RABEPK: variants seen among roughly 807,000 people sequenced by gnomAD.
RABEPK encodes 40 kDa Rab9 effector protein.
A neutral mutation model predicts 34.1 loss-of-function variants in RABEPK; 27 were observed. That is an observed-to-expected ratio of 0.79 (90% confidence interval 0.58 to 1.09). The LOEUF is 1.09. Ranked by LOEUF, RABEPK falls within the 50% of genes least tolerant of loss-of-function variation. The pLI, the probability that RABEPK is intolerant of heterozygous loss-of-function variation, is 0.00. For synonymous variants in RABEPK, 172 were observed against 169.2 expected (o/e 1.02, Z -0.13); for missense variants, 449 against 462.6 (o/e 0.97, Z 0.27).
Position 125,230,157 on chromosome 9 carries a change from T to A in RABEPK, c.676+2098T>A, listed in dbSNP as rs979575610. Among the ~76,000 whole-genome samples the A allele has an allele frequency of 2.0e-5, 3 of 152,122 alleles. No individual in the cohort carries two copies. The South Asian group carries it at 6.2e-4, about 32-fold the overall frequency. ...TTTTTTATTTTCTGTAGAGATGAGGTTTCACCATGTTGCCCAGGCTGGTCT... is the reference window on the plus strand; with the variant it reads ...TTTTTTATTTTCTGTAGAGATGAGGATTCACCATGTTGCCCAGGCTGGTCT... On this transcript the variant is annotated intron_variant, in intron 6 of 7. Coordinates refer to ENST00000373538, the MANE Select transcript of RABEPK (RefSeq NM_005833.4).
intron 1 of RABEPK, among the ~76,000 whole-genome samples, chr9:125,201,997 C>T (rs367783938): frequency 6.6e-6 from 1 of 151,160 alleles, no homozygotes; most frequent in Non-Finnish European, 1.5e-5. Flanking sequence ...GAGGCCGAGG[C>T]GAGCCAAGTT....
intron 5 of RABEPK, chr9:125,222,015 T>G (rs1588386722): frequency 6.6e-6 from 1 of 152,042 alleles, no homozygotes; most frequent in South Asian, 2.1e-4. Context: ...AGTTTTGCCA[T>G]GTTGCCCAGG....
chr9:125,233,619 G>C (rs1176150165), intron 7 of RABEPK, 69 bp from the exon 8 acceptor site: 1 of 1,513,956 alleles, frequency 6.6e-7, no homozygotes, highest in Non-Finnish European at 9.0e-7. Context: ...TGGGATTACA[G>C]GCGTGAGCCA....
In RABEPK at chr9:125,233,673, C is replaced by T. The variant is rs1832381640; in HGVS notation, c.827-15C>T. The T allele has an allele frequency of 6.2e-7, 1 of 1,603,858 alleles. No individual in the cohort carries two copies. Among genetic ancestry groups the T allele is most frequent in the East Asian group, 2.2e-5 (1 of 44,718 alleles). On this transcript the variant is annotated splice_polypyrimidine_tract_variant and intron_variant, in intron 7 of 7. Coordinates refer to ENST00000373538, the MANE Select transcript of RABEPK (RefSeq NM_005833.4). Reference sequence around the variant, plus strand: ...GAAATTTCTTAACATGAAGCCTTTTCCCTCCCCAACATAGAAGAGCAGCAT... The same window carrying T: ...GAAATTTCTTAACATGAAGCCTTTTTCCTCCCCAACATAGAAGAGCAGCAT...
rs533212047 is a variant in RABEPK at position 125,230,600 on chromosome 9, A to G, written c.677-1996A>G. ...GCCCAGGCTGGAGTGCAGTGGTGCA[A>G]TCTTGGCTCACTGCAAGCTCTGCCT... On this transcript the variant is annotated intron_variant, in intron 6 of 7. Transcript: ENST00000373538. Among the ~76,000 whole-genome samples the G allele has an allele frequency of 1.2e-3, 178 of 150,330 alleles. 1 individual carries two copies. Among genetic ancestry groups the G allele is most frequent in the African/African-American group, 4.2e-3 (171 of 40,898 alleles).
At chr9:125,212,878 C>T (rs1228895053) in intron 3 of RABEPK, among the ~76,000 whole-genome samples, 1 of 151,930 alleles carries the variant, frequency 6.6e-6, no homozygotes. Context: ...CCATGTTGGC[C>T]AGGATGGATT....
intron 4 of RABEPK, among the ~76,000 whole-genome samples, chr9:125,216,090 C>G (rs1158901476): frequency 6.6e-6 from 1 of 152,042 alleles, no homozygotes; most frequent in African/African-American, 2.4e-5. Context: ...GTCAGGAGTT[C>G]CAGAGCAGCC....
At chr9:125,220,371 T>G (rs1831237569) in intron 4 of RABEPK, 168 bp from the exon 5 acceptor site, 8 of 1,464,474 alleles carry the variant, frequency 5.5e-6, no homozygotes, top group Non-Finnish European at 7.2e-6. Context: ...AAATCCTAAG[T>G]ATCATCTTCA....
rs1379503488 is a variant in RABEPK, at chr9:125,200,827, T to G, written c.-86T>G. 1 of 471,250 alleles carries G rather than the reference T, an allele frequency of 2.1e-6. No homozygotes were observed. The allele number at this position is 471,250 out of a possible 1,614,324, so 29.2% of individuals were successfully genotyped here. ...TTGCTGGGCTGGTAGCGGCGGCTGC[T>G]GCGGGAGGTCCCGCCCACGTGAAGC... On this transcript the variant is annotated 5_prime_UTR_variant, in exon 1 of 8. Transcript: ENST00000373538.
intron 6 of RABEPK, among the ~76,000 whole-genome samples, chr9:125,229,222 T>C (rs1164540980): frequency 6.6e-6 from 1 of 150,568 alleles, no homozygotes. Context: ...CCACTGCACT[T>C]CATCCTGGGC....
chr9:125,203,705 C>A (rs1232001789), intron 2 of RABEPK, among the ~76,000 whole-genome samples: 2 of 152,108 alleles, frequency 1.3e-5, no homozygotes, highest in African/African-American at 4.8e-5. Flanking sequence ...AGTTTAAAAC[C>A]CTTTTGTGCC....
chr9:125,219,501 C>G (rs1219272791), intron 4 of RABEPK, among the ~76,000 whole-genome samples: 1 of 152,070 alleles, frequency 6.6e-6, no homozygotes, highest in African/African-American at 2.4e-5. Flanking sequence ...TCAAGTGATT[C>G]TCCTGTCTCA....
intron 6 of RABEPK, among the ~76,000 whole-genome samples, 162 bp from the exon 7 acceptor site, chr9:125,232,434 T>G (rs530353287): frequency 6.6e-6 from 1 of 152,316 alleles, no homozygotes; most frequent in South Asian, 2.1e-4. Context: ...GACTACCCAA[T>G]CATAATGTCA....
Position 125,218,016 on chromosome 9 carries a change from T to C in RABEPK, c.365-2523T>C, listed in dbSNP as rs557287266. On this transcript the variant is annotated intron_variant, in intron 4 of 7. Transcript: ENST00000373538. Reference sequence around the variant, plus strand: ...TGGTAGAGCAAGTGTGGGACTCTGATAGAACTGAGTTCAGGCCCGGCGCGG... The same window carrying C: ...TGGTAGAGCAAGTGTGGGACTCTGACAGAACTGAGTTCAGGCCCGGCGCGG... Among the ~76,000 whole-genome samples, 8 of 152,048 alleles carry C rather than the reference T, an allele frequency of 5.3e-5. No homozygotes were observed. The East Asian group carries it at 1.5e-3, about 29-fold the overall frequency.
intron 3 of RABEPK, among the ~76,000 whole-genome samples, chr9:125,207,982 C>T (rs1830342052): frequency 6.6e-6 from 1 of 152,042 alleles, no homozygotes; most frequent in African/African-American, 2.4e-5. Flanking sequence ...AAAAAATTAG[C>T]CGGGTGTGGT....
At chr9:125,223,067 G>T (rs1831466051) in intron 5 of RABEPK, among the ~76,000 whole-genome samples, 1 of 152,134 alleles carries the variant, frequency 6.6e-6, no homozygotes, top group South Asian at 2.1e-4. Flanking sequence ...GGATCATGAG[G>T]TCAGGAGTTC....
chr9:125,223,947 A>G (rs541941610), intron 5 of RABEPK, among the ~76,000 whole-genome samples: 84 of 152,178 alleles, frequency 5.5e-4, no homozygotes, highest in African/African-American at 1.8e-3. Flanking sequence ...TTGGGAGGCC[A>G]CTTTGGGACA....
At chr9:125,202,557 C>T (rs1004438604) in intron 1 of RABEPK, among the ~76,000 whole-genome samples, 3 of 151,694 alleles carry the variant, frequency 2.0e-5, no homozygotes, top group South Asian at 2.1e-4. Flanking sequence ...AGGCCAGGCA[C>T]GGTGGCTCAC....
intron 1 of RABEPK, 57 bp from the exon 2 acceptor site, chr9:125,202,951 A>G: frequency 1.4e-6 from 2 of 1,410,596 alleles, no homozygotes; most frequent in Non-Finnish European, 2.0e-6. Flanking sequence ...AGGAGGTTGA[A>G]TTGATTAAGA....
Sources: gnomAD v4.1 joint callset for allele counts (sites outside exome capture counted in the v4.1 genomes callset) on GRCh38, gnomAD v4.1.1 for gene constraint, MANE v1.5 for transcripts, NCBI Gene and HGNC (gene_info 2026-07-23, HGNC 2026-07-21) for gene names.